AP3M1: variants seen among roughly 807,000 people sequenced by gnomAD.
AP3M1 encodes the protein AP-3 complex subunit mu-1.
AP3M1 carries 29 observed loss-of-function variants against 42.6 expected under a neutral mutation model. The observed-to-expected ratio is 0.68, with a 90% confidence interval of 0.51 to 0.93. The LOEUF (loss-of-function observed/expected upper bound fraction) is 0.93, where lower values mean the gene tolerates loss of function less well. AP3M1 is among the 40% of genes least tolerant of loss of function. The pLI is 0.00. For synonymous variants in AP3M1, 178 were observed against 175.3 expected, an observed-to-expected ratio of 1.02 and a Z score of -0.12; for missense variants, 416 against 510.2, an observed-to-expected ratio of 0.82 and a Z score of 1.78.
intron 1 of AP3M1, among the ~76,000 whole-genome samples, chr10:74,145,438 C>A (rs1319914479): frequency 6.6e-6 from 1 of 152,024 alleles, no homozygotes; most frequent in Non-Finnish European, 1.5e-5. Context: ...TCTTAACCTT[C>A]TATAATAGGA....
intron 4 of AP3M1, among the ~76,000 whole-genome samples, chr10:74,130,458 T>A (rs1275651689): frequency 1.3e-5 from 2 of 151,868 alleles, no homozygotes; most frequent in Non-Finnish European, 2.9e-5. Flanking sequence ...ATAATTTTTT[T>A]TTTTTTGAGA....
At chr10:74,143,492 G>A (rs1841222887) in intron 1 of AP3M1, among the ~76,000 whole-genome samples, 1 of 152,144 alleles carries the variant, frequency 6.6e-6, no homozygotes, top group Non-Finnish European at 1.5e-5. Context: ...CTCCCAAAGT[G>A]AAGCTACTGT....
At chr10:74,143,523 G>A (rs1841223988) in intron 1 of AP3M1, among the ~76,000 whole-genome samples, 1 of 152,092 alleles carries the variant, frequency 6.6e-6, no homozygotes, top group African/African-American at 2.4e-5. Context: ...CATTCAAAGT[G>A]TTTTATTCAT....
chr10:74,134,912 G>A (rs929187755), intron 3 of AP3M1, among the ~76,000 whole-genome samples: 9 of 151,852 alleles, frequency 5.9e-5, no homozygotes, highest in Admixed American at 5.3e-4. Flanking sequence ...TTAATATTAT[G>A]GTATTAACAT....
At chr10:74,146,115 A>G (rs1177547513) in intron 1 of AP3M1, among the ~76,000 whole-genome samples, 1 of 152,246 alleles carries the variant, frequency 6.6e-6, no homozygotes, top group Non-Finnish European at 1.5e-5. Context: ...TCCTACGATG[A>G]TACAGGAAAT....
intron 1 of AP3M1, among the ~76,000 whole-genome samples, chr10:74,141,916 T>G (rs549531441): frequency 1.3e-5 from 2 of 149,684 alleles, no homozygotes; most frequent in Admixed American, 6.7e-5. Flanking sequence ...AGAGACGAGG[T>G]TTCACTATGT....
chr10:74,149,328 C>T (rs1172154231), intron 1 of AP3M1, among the ~76,000 whole-genome samples: 4 of 103,914 alleles, frequency 3.8e-5, no homozygotes, highest in South Asian at 3.6e-4. Flanking sequence ...CTCGCTCTGT[C>T]GCTCAGGGTG....
chr10:74,136,888 A>G (rs1336613652), intron 2 of AP3M1, 85 bp from the exon 3 acceptor site: 8 of 905,344 alleles, frequency 8.8e-6, no homozygotes, highest in Non-Finnish European at 1.3e-5. Context: ...GAATAAACTT[A>G]GAGTAGCATA....
chr10:74,126,149 T>C lies in AP3M1; in HGVS notation c.1010A>G (p.Lys337Arg). Residue 337 changes from lysine to arginine, a missense_variant and splice_region_variant, in exon 7 of 9, where the codon AAG (lysine) becomes AGG (arginine). By Grantham distance (26) the Lys-to-Arg change is conservative. Transcript: ENST00000355264. Reference protein sequence around the residue: ...QGSYTFDPVTKVLTWDVGKIT... With the variant: ...QGSYTFDPVTRVLTWDVGKIT... Reference sequence around the variant, plus strand: ...ACTCTTGATTTGAAGTGGCTGTACCTTGGTGACTGGATCAAATGTATAGCT... The same window carrying C: ...ACTCTTGATTTGAAGTGGCTGTACCCTGGTGACTGGATCAAATGTATAGCT... 6.2e-7 allele frequency: 1 copy of C among 1,614,170 alleles called. No homozygotes were observed. The highest frequency in any genetic ancestry group is 8.5e-7 in the Non-Finnish European group (1 of 1,179,980).
At chr10:74,148,051 T>C (rs535227057) in intron 1 of AP3M1, among the ~76,000 whole-genome samples, 2 of 152,140 alleles carry the variant, frequency 1.3e-5, no homozygotes, top group African/African-American at 2.4e-5. Flanking sequence ...AAATAAGACA[T>C]TGCAGTGGGC....
chr10:74,128,501 A>G (rs909018882), intron 6 of AP3M1, among the ~76,000 whole-genome samples: 16 of 152,098 alleles, frequency 1.1e-4, no homozygotes, highest in Admixed American at 8.5e-4. Context: ...GGCCTCCCAA[A>G]GTGTTGGGAT....
At chr10:74,124,177 G>A (rs529279180) in intron 8 of AP3M1, among the ~76,000 whole-genome samples, 2 of 152,312 alleles carry the variant, frequency 1.3e-5, no homozygotes, top group East Asian at 1.9e-4. Context: ...TGAGGGCGGA[G>A]GTGAGGGGAA....
At chr10:74,137,515 G>A (rs1840984292) in intron 2 of AP3M1, among the ~76,000 whole-genome samples, 1 of 152,174 alleles carries the variant, frequency 6.6e-6, no homozygotes, top group Non-Finnish European at 1.5e-5. Flanking sequence ...CATAACCAAT[G>A]AAAATCTTGA....
Position 74,123,752 on chromosome 10 carries a change from T to C in AP3M1, c.*58A>G, listed in dbSNP as rs1470797970. 12 of 1,297,006 alleles carry C rather than the reference T, an allele frequency of 9.3e-6. No individual in the cohort carries two copies. In the South Asian group the frequency reaches 1.3e-4, roughly 14 times the overall value. The allele number at this position is 1,297,006 out of a possible 1,614,324, so 80.3% of individuals were successfully genotyped here. ...TTCCCACTCACTTGGTACCTAATAG[T>C]GATACATCGTAATGACACTTGGAAA... On this transcript the variant is annotated 3_prime_UTR_variant, in exon 9 of 9. Coordinates refer to ENST00000355264, the MANE Select transcript of AP3M1 (RefSeq NM_012095.6).
chr10:74,122,592 A>G lies in AP3M1; in HGVS notation c.*1218T>C, dbSNP rs751520694. The stretch of plus-strand genomic sequence containing the variant: ...CACGGTGATCGGTAGAGTATCATCA[A>G]TGTTACCGAGGATTTTGTTTCTGCC... On this transcript the variant is annotated 3_prime_UTR_variant, in exon 9 of 9. Transcript: ENST00000355264. 6.6e-6 allele frequency: 1 copy of G among 152,148 alleles called. No homozygotes were observed. Among genetic ancestry groups the G allele is most frequent in the Non-Finnish European group, 1.5e-5 (1 of 68,030 alleles). 9.4% of individuals were successfully genotyped at this position (152,148 alleles called of 1,614,324 possible). A position where few individuals can be genotyped will look rare whatever the true frequency, so the allele number is the denominator to read the frequency against.
At chr10:74,136,904 T>C (rs1032379479) in intron 2 of AP3M1, 101 bp from the exon 3 acceptor site, 4 of 738,868 alleles carry the variant, frequency 5.4e-6, no homozygotes, top group Non-Finnish European at 8.0e-6. Context: ...GCATAATTCA[T>C]TGCTTAAGCT....
chr10:74,128,117 A>AC (rs1186282991), intron 6 of AP3M1, among the ~76,000 whole-genome samples: 1 of 144,378 alleles, frequency 6.9e-6, no homozygotes, highest in East Asian at 2.0e-4. Flanking sequence ...AAAAAAAAAA[A>AC]AAAAAAAGGA....
intron 1 of AP3M1, among the ~76,000 whole-genome samples, chr10:74,147,151 G>A (rs539846208): frequency 6.6e-6 from 1 of 152,140 alleles, no homozygotes. Context: ...TGGGTGTGGT[G>A]GTGGGTGCCT....
At chr10:74,135,304 A>G (rs947559596) in intron 3 of AP3M1, among the ~76,000 whole-genome samples, 2 of 152,168 alleles carry the variant, frequency 1.3e-5, no homozygotes, top group African/African-American at 2.4e-5. Flanking sequence ...TTTTTCTCAT[A>G]CAGTTCCACC....
Sources: allele counts gnomAD v4.1 joint callset (sites outside exome capture counted in the v4.1 genomes callset), GRCh38; gene constraint gnomAD v4.1.1; transcripts MANE v1.5; gene names NCBI Gene and HGNC (gene_info 2026-07-23, HGNC 2026-07-21).